GLI2: variants seen among roughly 807,000 people sequenced by gnomAD.
The protein encoded by GLI2 is GLI family zinc finger 2.
GLI2 carries 22 observed loss-of-function variants against 78.9 expected under a neutral mutation model. That is an observed-to-expected ratio of 0.28 (90% CI 0.20 to 0.40). GLI2 has a LOEUF of 0.40. Among genes scored for constraint, GLI2 ranks in the 10% least tolerant of loss-of-function variants. The pLI is 1.00. For synonymous variants in GLI2, 974 were observed against 963.7 expected (o/e 1.01, Z -0.20); for missense variants, 2,097 against 2,213.2 (o/e 0.95, Z 1.05).
intron 2 of GLI2, among the ~76,000 whole-genome samples, chr2:120,886,545 G>A (rs1196918904): frequency 6.6e-6 from 1 of 152,216 alleles, no homozygotes; most frequent in Non-Finnish European, 1.5e-5. Flanking sequence ...GGGATTACAG[G>A]CATGAACCAC....
chr2:120,868,024 C>G (rs367981195), intron 2 of GLI2, among the ~76,000 whole-genome samples: 6 of 152,314 alleles, frequency 3.9e-5, no homozygotes, highest in East Asian at 1.9e-4. Context: ...TTCCTGCCCC[C>G]CCAGCCTCCC....
At chr2:120,764,266 A>G (rs1277291626) in intron 1 of GLI2, among the ~76,000 whole-genome samples, 2 of 152,272 alleles carry the variant, frequency 1.3e-5, no homozygotes, top group East Asian at 3.9e-4. Flanking sequence ...CGTGCTGGGG[A>G]GGGAGGTTAC....
chr2:120,804,432 T>C (rs1319289032), intron 2 of GLI2, among the ~76,000 whole-genome samples: 3 of 152,156 alleles, frequency 2.0e-5, no homozygotes, highest in East Asian at 1.9e-4. Flanking sequence ...TGGGCTGGTG[T>C]GGTCAGCTGT....
chr2:120,864,910 G>A (rs971297307), intron 2 of GLI2, among the ~76,000 whole-genome samples: 3 of 152,214 alleles, frequency 2.0e-5, no homozygotes, highest in Non-Finnish European at 4.4e-5. Context: ...GACACCTTGG[G>A]AAGGGGTCTC....
intron 3 of GLI2, among the ~76,000 whole-genome samples, chr2:120,939,578 G>A (rs917188207): frequency 4.6e-5 from 7 of 152,138 alleles, no homozygotes; most frequent in African/African-American, 1.7e-4. Context: ...GTATTCTTCG[G>A]GAACTTGCTT....
chr2:120,754,425 G>A (rs1682977778), intron 1 of GLI2, among the ~76,000 whole-genome samples: 1 of 151,882 alleles, frequency 6.6e-6, no homozygotes, highest in African/African-American at 2.4e-5. Context: ...ATGCCCCTCT[G>A]TAATCTGTCC....
intron 1 of GLI2, among the ~76,000 whole-genome samples, chr2:120,742,622 C>G (rs1335921056): frequency 6.6e-6 from 1 of 151,222 alleles, no homozygotes; most frequent in Non-Finnish European, 1.5e-5. Flanking sequence ...AGGTGCCAGT[C>G]CTTTCTCTCC....
At position 120,970,547 on chromosome 2, in the gene GLI2, A is replaced by G. The variant is rs769741962; in HGVS notation, c.1000A>G (p.Ile334Val). The change falls in exon 7 of 14, where the codon ATC becomes GTC. Residue 334 changes from isoleucine to valine, a missense_variant. Physicochemically the swap from Ile to Val is conservative, Grantham distance 29. Coordinates refer to ENST00000361492, the MANE Select transcript of GLI2 (RefSeq NM_001374353.1). ...LAQQPMALTS[I>V]NATPTQLSSS... ...CCAGCAGCCCATGGCCCTCACCTCCATCAATGCCACGCCCACCCAGCTCAG... is the reference window on the plus strand; with the variant it reads ...CCAGCAGCCCATGGCCCTCACCTCCGTCAATGCCACGCCCACCCAGCTCAG... 6 of 1,614,098 alleles carry G rather than the reference A, an allele frequency of 3.7e-6. No homozygotes were observed. The South Asian group carries it at 4.4e-5, about 12-fold the overall frequency.
intron 1 of GLI2, among the ~76,000 whole-genome samples, chr2:120,778,342 G>A (rs113729017): frequency 2.2e-4 from 34 of 152,208 alleles, no homozygotes; most frequent in African/African-American, 7.5e-4. Context: ...TCCTCACAGC[G>A]TCCCTCCTTT....
chr2:120,990,083 A>T lies in GLI2; in HGVS notation c.4118A>T (p.Gln1373Leu). The T allele has an allele frequency of 6.3e-7, 1 of 1,598,422 alleles. No homozygotes were observed. The highest frequency in any genetic ancestry group is 8.5e-7 in the Non-Finnish European group (1 of 1,170,790). Residue 1373 changes from glutamine to leucine, a missense_variant, in exon 14 of 14, where the codon CAG becomes CTG. By Grantham distance (113) the Gln-to-Leu change is moderately radical. This residue lies in a region of GLI2 where 1,290 missense variants were observed against 1,261.7 expected (regional missense o/e 1.02). Transcript: ENST00000361492. Reference protein sequence around the residue: ...TGRHRGVRAVQQQLAYARATG... With the variant: ...TGRHRGVRAVLQQLAYARATG... ...CGCCACCGTGGGGTACGTGCTGTGC[A>T]GCAGCAGCTGGCCTACGCCAGGGCC... is the stretch of plus-strand genomic sequence containing the variant.
In GLI2 at chr2:120,989,249, C is replaced by G. The variant is rs1683156870; in HGVS notation, c.3284C>G (p.Ala1095Gly). 3.1e-6 allele frequency: 5 copies of G among 1,613,022 alleles called. No individual in the cohort carries two copies. Among genetic ancestry groups the G allele is most frequent in the Admixed American group, 1.7e-5 (1 of 60,010 alleles). Residue 1095 changes from alanine (A) to glycine (G), a missense_variant, in exon 14 of 14, where the codon GCT becomes GGT. Ala to Gly is a moderately conservative substitution (Grantham distance 60). Coordinates refer to ENST00000361492, the MANE Select transcript of GLI2 (RefSeq NM_001374353.1). ...PGLHGQRRMV[A>G]ADSNVGPSAP... ...CTGCACGGCCAGCGCAGGATGGTGG[C>G]TGCGGACTCCAACGTGGGCCCCTCC... is the stretch of plus-strand genomic sequence containing the variant.
chr2:120,947,809 T>A (rs1163789994), intron 3 of GLI2, among the ~76,000 whole-genome samples: 1 of 152,180 alleles, frequency 6.6e-6, no homozygotes, highest in African/African-American at 2.4e-5. Context: ...AGGTGCAGCA[T>A]CCTGCCCCAC....
At chr2:120,836,345 AT>A (rs982374248) in intron 2 of GLI2, among the ~76,000 whole-genome samples, 2 of 152,026 alleles carry the variant, frequency 1.3e-5, no homozygotes, top group African/African-American at 2.4e-5. Context: ...ATATGTGTAT[AT>A]TTTTTTCTGT....
intron 2 of GLI2, among the ~76,000 whole-genome samples, chr2:120,879,789 G>A (rs953269739): frequency 7.9e-5 from 12 of 152,298 alleles, no homozygotes; most frequent in Admixed American, 3.3e-4. Context: ...AACTCTGCAC[G>A]CGCCTGTTCT....
intron 1 of GLI2, among the ~76,000 whole-genome samples, chr2:120,767,797 G>A (rs1289521753): frequency 6.6e-6 from 1 of 152,254 alleles, no homozygotes; most frequent in Admixed American, 6.5e-5. Flanking sequence ...CCCTTGGCAA[G>A]TTCTTTGCCT....
chr2:120,924,540 A>AAT (rs982195593), intron 2 of GLI2, among the ~76,000 whole-genome samples: 2 of 36,132 alleles, frequency 5.5e-5, no homozygotes, highest in Non-Finnish European at 1.1e-4. Context: ...AACATTTAGA[A>AAT]ATACACACAC....
intron 2 of GLI2, among the ~76,000 whole-genome samples, chr2:120,925,626 AG>A (rs1679624130): frequency 6.6e-6 from 1 of 152,232 alleles, no homozygotes; most frequent in Admixed American, 6.5e-5. Flanking sequence ...TCATAGAGGC[AG>A]GAGGTAGAAT....
chr2:120,980,255 A>G (rs528015509), intron 10 of GLI2, among the ~76,000 whole-genome samples: 54 of 152,296 alleles, frequency 3.5e-4, no homozygotes, highest in African/African-American at 1.3e-3. Context: ...ACCCACAATG[A>G]ATGAGGGTTC....
At position 120,970,626 on chromosome 2, in the gene GLI2, A is replaced by T; in HGVS notation, c.1059+20A>T. 1 of 1,595,268 alleles carries T rather than the reference A, an allele frequency of 6.3e-7. No homozygotes were observed. The highest frequency in any genetic ancestry group is 8.6e-7 in the Non-Finnish European group (1 of 1,162,994). ...AACCAGGTAGGTGGGTGCAGGGGCC[A>T]GGATGGCCACTGGGTACTCATCTGG... On this transcript the variant is annotated intron_variant, in intron 7 of 13. Coordinates refer to ENST00000361492, the MANE Select transcript of GLI2 (RefSeq NM_001374353.1).
Sources: allele counts gnomAD v4.1 joint callset (sites outside exome capture counted in the v4.1 genomes callset), GRCh38; gene constraint gnomAD v4.1.1; regional missense constraint gnomAD v4.1.1; transcripts MANE v1.5; gene names NCBI Gene and HGNC (gene_info 2026-07-23, HGNC 2026-07-21).